VPS35L: variants seen among roughly 807,000 people sequenced by gnomAD.
The protein encoded by VPS35L is VPS35 endosomal protein-sorting factor-like.
VPS35L carries 83 observed loss-of-function variants against 133.0 expected under a neutral mutation model. The observed-to-expected ratio is 0.62, with a 90% CI of 0.52 to 0.75. VPS35L has a LOEUF of 0.75. Among genes scored for constraint, VPS35L ranks in the 30% least tolerant of loss-of-function variants. The pLI, the probability that VPS35L is intolerant of heterozygous loss-of-function variation, is 0.00. For missense variants in VPS35L, 1,083 were observed against 1,206.8 expected (o/e 0.90, Z 1.52); for synonymous variants, 423 against 449.9 (o/e 0.94, Z 0.76).
At chr16:19,635,015 G>T (rs149729526) in intron 19 of VPS35L, among the ~76,000 whole-genome samples, 1 of 152,238 alleles carries the variant, frequency 6.6e-6, no homozygotes, top group East Asian at 1.9e-4. Flanking sequence ...TCACACATGC[G>T]CAGATTGAGA....
rs765410133 is a variant in VPS35L at position 19,652,003 on chromosome 16, A to G, written c.2134A>G (p.Ile712Val). 1 of 1,613,254 alleles carries G rather than the reference A, an allele frequency of 6.2e-7. No homozygotes were observed. Among genetic ancestry groups the G allele is most frequent in the Non-Finnish European group, 8.5e-7 (1 of 1,179,506 alleles). ...CTGTGTTGCCTACTGCTTCATCACCATCCCCTCCCTGGCGGGCATCTTCAC... is the reference window on the plus strand; with the variant it reads ...CTGTGTTGCCTACTGCTTCATCACCGTCCCCTCCCTGGCGGGCATCTTCAC... The part of the protein sequence containing the change: ...RACVAYCFIT[I>V]PSLAGIFTRL... The change falls in exon 26 of 31, where the codon ATC becomes GTC. Residue 712 changes from isoleucine (I) to valine (V), a missense_variant. Physicochemically the swap from Ile to Val is conservative, Grantham distance 29 (BLOSUM62 3). Coordinates refer to ENST00000417362, the MANE Select transcript of VPS35L (RefSeq NM_020314.7).
chr16:19,562,088 T>C (rs971896936), intron 1 of VPS35L, among the ~76,000 whole-genome samples: 1 of 152,034 alleles, frequency 6.6e-6, no homozygotes, highest in East Asian at 1.9e-4. Flanking sequence ...GAGACTCTTA[T>C]GTCAAACAAA....
chr16:19,684,878 G>A (rs537554563), intron 28 of VPS35L, among the ~76,000 whole-genome samples: 22 of 152,120 alleles, frequency 1.4e-4, no homozygotes, highest in African/African-American at 4.6e-4. Flanking sequence ...CCAACATGGC[G>A]AAACCTCATG....
intron 28 of VPS35L, among the ~76,000 whole-genome samples, chr16:19,682,688 C>G (rs1369140959): frequency 6.6e-6 from 1 of 152,150 alleles, no homozygotes; most frequent in Admixed American, 6.5e-5. Flanking sequence ...AGAGCCAAAC[C>G]CTGTCTCTAC....
At chr16:19,645,113 G>T (rs981225293) in intron 23 of VPS35L, among the ~76,000 whole-genome samples, 164 bp downstream of exon 23, 1 of 151,930 alleles carries the variant, frequency 6.6e-6, no homozygotes, top group African/African-American at 2.4e-5. Flanking sequence ...TCCCCTGGGG[G>T]CAAAGAGAGC....
At chr16:19,612,516 A>G (rs757852640) in intron 12 of VPS35L, among the ~76,000 whole-genome samples, 11 of 152,136 alleles carry the variant, frequency 7.2e-5, no homozygotes, top group African/African-American at 9.7e-5. Flanking sequence ...GGCCTCACAA[A>G]TTGCTGGGAT....
At chr16:19,645,982 G>C (rs1973936128) in intron 23 of VPS35L, among the ~76,000 whole-genome samples, 1 of 151,908 alleles carries the variant, frequency 6.6e-6, no homozygotes, top group Non-Finnish European at 1.5e-5. Flanking sequence ...TTTTTGGGGG[G>C]GTCGAGACAG....
intron 29 of VPS35L, among the ~76,000 whole-genome samples, chr16:19,698,613 G>A (rs1030930291): frequency 3.2e-4 from 49 of 152,132 alleles, no homozygotes; most frequent in African/African-American, 1.2e-3. Context: ...TAAATCACGC[G>A]AGTTGTATAA....
In VPS35L at chr16:19,569,457, A is replaced by C; in HGVS notation, c.151A>C (p.Lys51Gln). 1 of 1,601,474 alleles carries C rather than the reference A, an allele frequency of 6.2e-7. No individual in the cohort carries two copies. The highest frequency in any genetic ancestry group is 8.5e-7 in the Non-Finnish European group (1 of 1,174,644). Reference sequence around the variant, plus strand: ...GTCAAAGACAAAGAAAGTGAACCGGAAAGGAAGCACTTCTTCCACGTCCTC... The same window carrying C: ...GTCAAAGACAAAGAAAGTGAACCGGCAAGGAAGCACTTCTTCCACGTCCTC... ...TESKTKKVNR[K>Q]GSTSSTSSSS... The change falls in exon 3 of 31, where the codon AAA becomes CAA. Residue 51 changes from lysine (K) to glutamine (Q), a missense_variant. Lys to Gln is a moderately conservative substitution (Grantham distance 53). Coordinates refer to ENST00000417362, the MANE Select transcript of VPS35L (RefSeq NM_020314.7).
intron 17 of VPS35L, 134 bp downstream of exon 17, chr16:19,628,887 G>T (rs1466573671): frequency 3.4e-6 from 1 of 295,138 alleles, no homozygotes; most frequent in African/African-American, 2.2e-5. Context: ...TGCCTCCTGG[G>T]TTCAAGCGAT....
At chr16:19,608,154 T>A in intron 9 of VPS35L, 24 bp from the exon 10 acceptor site, 1 of 1,560,244 alleles carries the variant, frequency 6.4e-7, no homozygotes, top group Non-Finnish European at 8.8e-7. Flanking sequence ...GGAGGGCTGA[T>A]GGATCTTGTT....
At chr16:19,675,619 G>A (rs190017805) in intron 27 of VPS35L, among the ~76,000 whole-genome samples, 1 of 151,912 alleles carries the variant, frequency 6.6e-6, no homozygotes, top group Non-Finnish European at 1.5e-5. Flanking sequence ...TTGCAGTCTC[G>A]GCTCACTGTA....
At chr16:19,613,723 G>C (rs1163846362) in intron 12 of VPS35L, among the ~76,000 whole-genome samples, 1 of 152,122 alleles carries the variant, frequency 6.6e-6, no homozygotes, top group African/African-American at 2.4e-5. Context: ...TTGGGGTCTG[G>C]GGTTGGTGTC....
At chr16:19,641,893 T>C (rs891189108) in intron 21 of VPS35L, among the ~76,000 whole-genome samples, 2 of 152,156 alleles carry the variant, frequency 1.3e-5, no homozygotes, top group African/African-American at 4.8e-5. Flanking sequence ...TTATCATGTG[T>C]ATAGAAGAGC....
intron 7 of VPS35L, among the ~76,000 whole-genome samples, chr16:19,588,019 C>T (rs903749875): frequency 7.9e-5 from 12 of 151,664 alleles, no homozygotes; most frequent in African/African-American, 1.7e-4. Flanking sequence ...AGGGTGGTCT[C>T]GAACTCCTGA....
rs766112577 is a variant in VPS35L at position 19,591,772 on chromosome 16, T to C, written c.640-18T>C. 7.5e-6 allele frequency: 12 copies of C among 1,593,904 alleles called. No individual in the cohort carries two copies. Among genetic ancestry groups the C allele is most frequent in the Non-Finnish European group, 1.0e-5 (12 of 1,162,740 alleles). On this transcript the variant is annotated intron_variant, in intron 7 of 30. Transcript: ENST00000417362. ...AGACATGCCAGAGTGAATTTTCTCT[T>C]TTTTTCTCTTTTTTTAGTGTTCAAA...
chr16:19,565,038 G>A, intron 2 of VPS35L, 88 bp downstream of exon 2: 2 of 1,050,494 alleles, frequency 1.9e-6, no homozygotes, highest in Non-Finnish European at 2.8e-6. Flanking sequence ...TTTTGCCAGT[G>A]GTAGCCACTT....
chr16:19,581,772 T>C, intron 7 of VPS35L, 119 bp downstream of exon 7: 2 of 1,175,636 alleles, frequency 1.7e-6, no homozygotes, highest in Non-Finnish European at 2.4e-6. Flanking sequence ...CATCCCTTTC[T>C]TTTTCATATA....
intron 8 of VPS35L, among the ~76,000 whole-genome samples, chr16:19,599,563 T>C (rs1452750565): frequency 6.6e-6 from 1 of 151,324 alleles, no homozygotes; most frequent in African/African-American, 2.4e-5. Flanking sequence ...AAAGACAGTG[T>C]CTCACTCTGT....
Sources: allele counts gnomAD v4.1 joint callset (sites outside exome capture counted in the v4.1 genomes callset), GRCh38; gene constraint gnomAD v4.1.1; transcripts MANE v1.5; gene names NCBI Gene and HGNC (gene_info 2026-07-23, HGNC 2026-07-21).